Variants in UNC13C observed in about 807,000 individuals in gnomAD.
UNC13C encodes the protein protein unc-13 homolog C.
A neutral mutation model predicts 245.4 loss-of-function variants in UNC13C; 174 were observed. The observed-to-expected ratio is 0.71, with a 90% CI of 0.63 to 0.80. The LOEUF (loss-of-function observed/expected upper bound fraction) is 0.80. Ranked by LOEUF, UNC13C falls within the 30% of genes least tolerant of loss-of-function variation. The pLI is 0.00. For missense variants in UNC13C, 2,829 were observed against 2,602.9 expected, an observed-to-expected ratio of 1.09 and a Z score of -1.89; for synonymous variants, 992 against 895.1, an observed-to-expected ratio of 1.11 and a Z score of -1.93.
At chr15:54,434,112 G>T (rs1439358080) in intron 19 of UNC13C, among the ~76,000 whole-genome samples, 1 of 152,080 alleles carries the variant, frequency 6.6e-6, no homozygotes, top group African/African-American at 2.4e-5. Flanking sequence ...TAAATTTCAT[G>T]CTCATGGATA....
intron 4 of UNC13C, among the ~76,000 whole-genome samples, chr15:54,161,402 G>T (rs1459460590): frequency 1.3e-5 from 2 of 152,090 alleles, no homozygotes; most frequent in Non-Finnish European, 2.9e-5. Flanking sequence ...TTTGACAGTG[G>T]TACAAGTCCG....
chr15:54,500,262 T>C, intron 21 of UNC13C, 87 bp downstream of exon 21: 2 of 967,668 alleles, frequency 2.1e-6, no homozygotes, highest in Non-Finnish European at 3.1e-6. Context: ...TTAGACTCAT[T>C]GTTATTAATT....
chr15:54,035,554 C>T (rs1040932070), intron 2 of UNC13C, among the ~76,000 whole-genome samples: 6 of 152,126 alleles, frequency 3.9e-5, no homozygotes, highest in Non-Finnish European at 7.3e-5. Context: ...CACTGGCCTT[C>T]TTCTACTCAC....
Position 54,331,826 on chromosome 15 carries a change from A to G in UNC13C, c.4426-217A>G, listed in dbSNP as rs541491976. On this transcript the variant is annotated intron_variant, in intron 14 of 32. Transcript: ENST00000260323. ...TACACATTTCTCATTAATCATAGAG[A>G]GGAAGTATGACTTATTGAAAAGACC... Among the ~76,000 whole-genome samples, 10 of 152,194 alleles carry G rather than the reference A, an allele frequency of 6.6e-5. No individual in the cohort carries two copies. In the South Asian group the frequency reaches 2.1e-3, roughly 32 times the overall value.
At chr15:53,892,802 C>T in the UNC13C span, among the ~76,000 whole-genome samples, 1 of 152,070 alleles carries the variant, frequency 6.6e-6, no homozygotes, top group South Asian at 2.1e-4. Flanking sequence ...AGCTTCCTGG[C>T]ATTGGATTAG....
rs1227323866 is a variant in UNC13C, at chr15:54,264,340, C to A, written c.3621C>A (p.Ala1207=). The change falls in exon 9 of 33, where the codon GCC becomes GCA. Residue 1207 remains alanine (A), a synonymous_variant. Coordinates refer to ENST00000260323, the MANE Select transcript of UNC13C (RefSeq NM_001080534.3). ...ATTTTGTGCAGTTTACAAAGGCGGCCAAACAGAGTGTACTGGATGGGACAT... is the reference window on the plus strand; with the variant it reads ...ATTTTGTGCAGTTTACAAAGGCGGCAAAACAGAGTGTACTGGATGGGACAT... ...KEDFVQFTKA[A]KQSVLDGTSK... is the part of the protein sequence containing the mutation. 1 of 1,606,380 alleles carries A rather than the reference C, an allele frequency of 6.2e-7. No individual in the cohort carries two copies. The highest frequency in any genetic ancestry group is 8.5e-7 in the Non-Finnish European group (1 of 1,176,292).
At chr15:54,057,340 A>G (rs560463289) in intron 2 of UNC13C, among the ~76,000 whole-genome samples, 223 of 151,434 alleles carry the variant, frequency 1.5e-3, no homozygotes, top group African/African-American at 5.2e-3. Flanking sequence ...ACTTTAAACC[A>G]ACAAAGATCA....
chr15:54,154,236 A>G (rs1236501531), intron 4 of UNC13C, among the ~76,000 whole-genome samples: 10 of 151,726 alleles, frequency 6.6e-5, no homozygotes, highest in Admixed American at 2.6e-4. Flanking sequence ...TCTACTTTCT[A>G]TTGGTATTTT....
At chr15:54,420,470 G>A (rs796890308) in intron 19 of UNC13C, among the ~76,000 whole-genome samples, 11 of 151,952 alleles carry the variant, frequency 7.2e-5, no homozygotes, top group African/African-American at 2.2e-4. Context: ...ACAATATCTC[G>A]TTGGTCGCAC....
intron 14 of UNC13C, among the ~76,000 whole-genome samples, chr15:54,328,323 G>A (rs959196829): frequency 6.6e-6 from 1 of 151,948 alleles, no homozygotes; most frequent in African/African-American, 2.4e-5. Flanking sequence ...TACCAAAATT[G>A]CCTATGCATT....
chr15:54,336,912 G>A (rs530007238), intron 16 of UNC13C, among the ~76,000 whole-genome samples: 15 of 152,084 alleles, frequency 9.9e-5, no homozygotes, highest in Admixed American at 3.9e-4. Context: ...ATCCCACCTC[G>A]TTTCTTCATT....
intron 30 of UNC13C, among the ~76,000 whole-genome samples, chr15:54,582,261 A>T (rs915323794): frequency 6.6e-6 from 1 of 152,084 alleles, no homozygotes; most frequent in African/African-American, 2.4e-5. Context: ...GAGAAAGGGG[A>T]ATTAGGTAAC....
chr15:54,455,205 C>CTCTCTCTCTCTCTATATA (rs1388065398), intron 19 of UNC13C, among the ~76,000 whole-genome samples: 4 of 18,958 alleles, frequency 2.1e-4, no homozygotes, highest in Non-Finnish European at 2.8e-4. Flanking sequence ...CTCTCTCTCT[C>CTCTCTCTCTCTCTATATA]TATATATATA....
chr15:54,166,470 T>C (rs1264720178), intron 4 of UNC13C, among the ~76,000 whole-genome samples: 1 of 152,104 alleles, frequency 6.6e-6, no homozygotes. Flanking sequence ...CTATTCATTT[T>C]CTGTAAATTT....
At chr15:53,889,306 T>C in the UNC13C span, among the ~76,000 whole-genome samples, 2 of 152,180 alleles carry the variant, frequency 1.3e-5, no homozygotes, top group African/African-American at 4.8e-5. Flanking sequence ...TTAATTCTCT[T>C]AGTAGCAGTT....
intron 4 of UNC13C, among the ~76,000 whole-genome samples, chr15:54,194,155 T>C (rs1377561301): frequency 1.3e-5 from 2 of 152,180 alleles, no homozygotes; most frequent in East Asian, 3.8e-4. Flanking sequence ...GGCTGCTCCG[T>C]GTAGACCAGT....
rs770195423 is a variant in UNC13C, at chr15:54,546,849, A to C, written c.5820+4A>C. ...TCCTCCTCTGACAGATCAAACAGTA[A>C]GTATATAAAGTTTAGTTATGCTTTC... On this transcript the variant is annotated splice_donor_region_variant and intron_variant, in intron 27 of 32. Transcript: ENST00000260323. 1.3e-6 allele frequency: 2 copies of C among 1,569,814 alleles called. No individual in the cohort carries two copies. Among genetic ancestry groups the C allele is most frequent in the Non-Finnish European group, 1.7e-6 (2 of 1,160,026 alleles).
At chr15:54,376,831 C>T (rs28777376) in intron 17 of UNC13C, among the ~76,000 whole-genome samples, 30,487 of 152,124 alleles carry the variant, frequency 0.2, 3,125 homozygotes, top group Middle Eastern at 0.25. Flanking sequence ...TGATGTCCCC[C>T]AGAAAGACTT....
rs1388607222 is a variant in UNC13C, at chr15:54,626,870, T to A, written c.6402T>A (p.His2134Gln). 2 of 1,613,054 alleles carry A rather than the reference T, an allele frequency of 1.2e-6. No homozygotes were observed. The highest frequency in any genetic ancestry group is 1.7e-6 in the Non-Finnish European group (2 of 1,179,476). The change falls in exon 33 of 33, where the codon CAT becomes CAA. Residue 2134 changes from histidine (H) to glutamine (Q), a missense_variant. Physicochemically the swap from His to Gln is conservative, Grantham distance 24. Transcript: ENST00000260323. ...KENRPGAYEL[H>Q]LSVKDYCFAR... The stretch of plus-strand genomic sequence containing the variant: ...ATCGACCAGGGGCTTATGAACTTCA[T>A]CTCTCAGTTAAGGATTACTGCTTTG...
Sources: gnomAD v4.1 joint callset for allele counts (sites outside exome capture counted in the v4.1 genomes callset) on GRCh38, gnomAD v4.1.1 for gene constraint, MANE v1.5 for transcripts, NCBI Gene and HGNC (gene_info 2026-07-23, HGNC 2026-07-21) for gene names.